The following ALMS1 variants were observed in gnomAD, a reference collection of about 807,000 sequenced individuals.
The protein encoded by ALMS1 is ALMS1 centrosome and basal body associated protein.
A neutral mutation model predicts 352.2 loss-of-function variants in ALMS1; 271 were observed. The observed-to-expected ratio is 0.77, with a 90% CI of 0.70 to 0.85. ALMS1 has a LOEUF of 0.85. Ranked by LOEUF, ALMS1 falls within the 40% of genes least tolerant of loss-of-function variation. ALMS1 has a pLI of 0.00. For missense variants in ALMS1, 5,445 were observed against 4,870.7 expected (o/e 1.12, Z -3.51); for synonymous variants, 1,865 against 1,761.2 (o/e 1.06, Z -1.48).
Position 73,405,673 on chromosome 2 carries a change from A to AT in ALMS1, c.325-2938dup, listed in dbSNP as rs557914333. Among the ~76,000 whole-genome samples, 61 of 147,168 alleles carry AT rather than the reference A, an allele frequency of 4.1e-4. No individual in the cohort carries two copies. The East Asian group carries it at 5.6e-3, about 13-fold the overall frequency. On this transcript the variant is annotated intron_variant, in intron 1 of 22. Transcript: ENST00000613296. ...GTGTAATGTTAGATTATTGACATGA[A>AT]TTTTTTTTTTTAAATATAGGCATTT...
chr2:73,489,503 T>C, intron 9 of ALMS1, 131 bp from the exon 10 acceptor site: 9 of 1,040,978 alleles, frequency 8.6e-6, no homozygotes, highest in African/African-American at 1.6e-5. Flanking sequence ...TGTCCTGTTA[T>C]ATTATAAAAG....
intron 10 of ALMS1, among the ~76,000 whole-genome samples, chr2:73,511,961 C>G (rs1362622321): frequency 2.0e-5 from 3 of 152,136 alleles, no homozygotes; most frequent in Non-Finnish European, 2.9e-5. Context: ...AGGAAACTGC[C>G]AGAGTGTTTT....
chr2:73,427,259 A>C (rs1223580747), intron 6 of ALMS1, among the ~76,000 whole-genome samples: 3 of 152,208 alleles, frequency 2.0e-5, no homozygotes, highest in African/African-American at 7.2e-5. Flanking sequence ...GAAAGACTTG[A>C]CTTCAGAGGT....
intron 13 of ALMS1, among the ~76,000 whole-genome samples, chr2:73,553,989 A>C (rs1386171209): frequency 6.6e-6 from 1 of 152,194 alleles, no homozygotes; most frequent in Non-Finnish European, 1.5e-5. Flanking sequence ...TAAATGGCTA[A>C]AGAAGTTGAA....
At position 73,596,874 on chromosome 2, in the gene ALMS1, T is replaced by C. The variant is rs868749867; in HGVS notation, c.11548-2527T>C. Among the ~76,000 whole-genome samples the C allele has an allele frequency of 1.4e-3, 210 of 149,884 alleles. 2 individuals carry two copies. Among genetic ancestry groups the C allele is most frequent in the African/African-American group, 4.4e-3 (178 of 40,664 alleles). On this transcript the variant is annotated intron_variant, in intron 16 of 22. Coordinates refer to ENST00000613296, the MANE Select transcript of ALMS1 (RefSeq NM_001378454.1). Reference sequence around the variant, plus strand: ...GCCCTCTACCTCTTTTTTTTTTTTTTTTTTCTTTTTTTTTTTTCAGTAACT... The same window carrying C: ...GCCCTCTACCTCTTTTTTTTTTTTTCTTTTCTTTTTTTTTTTTCAGTAACT...
intron 9 of ALMS1, among the ~76,000 whole-genome samples, chr2:73,480,710 T>TC (rs1558662638): frequency 6.6e-6 from 1 of 150,522 alleles, no homozygotes; most frequent in African/African-American, 2.4e-5. Context: ...AAAGTGTTCC[T>TC]ATTTCTCCAC....
chr2:73,550,137 G>A lies in ALMS1; in HGVS notation c.9908-130G>A, dbSNP rs1674398732. On this transcript the variant is annotated intron_variant, in intron 12 of 22. Coordinates refer to ENST00000613296, the MANE Select transcript of ALMS1 (RefSeq NM_001378454.1). ...CACCTTCCAAAGTGCTGGGATTACA[G>A]GCATGAGCCATCGTGCCTGGCCTGT... 1.4e-5 allele frequency: 13 copies of A among 903,208 alleles called. No individual in the cohort carries two copies. The South Asian group carries it at 1.8e-4, about 13-fold the overall frequency. 55.9% of individuals were successfully genotyped at this position (903,208 alleles called of 1,614,324 possible).
chr2:73,528,406 A>T (rs182293403), intron 11 of ALMS1, among the ~76,000 whole-genome samples: 36 of 152,254 alleles, frequency 2.4e-4, no homozygotes, highest in African/African-American at 8.7e-4. Flanking sequence ...TGGGTACTCC[A>T]CCGTTGGGTC....
intron 12 of ALMS1, among the ~76,000 whole-genome samples, chr2:73,537,731 G>T (rs1046451162): frequency 3.3e-5 from 5 of 152,196 alleles, no homozygotes; most frequent in African/African-American, 1.2e-4. Flanking sequence ...TCCAGGCCGG[G>T]TGCGGTGGCT....
intron 22 of ALMS1, 91 bp downstream of exon 22, chr2:73,608,665 C>T: frequency 1.0e-6 from 1 of 977,480 alleles, no homozygotes; most frequent in Non-Finnish European, 1.6e-6. Flanking sequence ...AGTGTGAAGT[C>T]AGAATGAACC....
intron 21 of ALMS1, 33 bp from the exon 22 acceptor site, chr2:73,608,442 G>A (rs781702323): frequency 5.7e-6 from 9 of 1,574,010 alleles, no homozygotes; most frequent in South Asian, 2.2e-5. Context: ...TAACCTCCCC[G>A]ATTTCTGTCC....
rs181193521 is a variant in ALMS1, at chr2:73,549,832, G to T, written c.9908-435G>T. Among the ~76,000 whole-genome samples, 6 of 152,148 alleles carry T rather than the reference G, an allele frequency of 3.9e-5. 1 individual carries two copies. Among genetic ancestry groups the T allele is most frequent in the Admixed American group, 6.5e-5 (1 of 15,274 alleles). On this transcript the variant is annotated intron_variant, in intron 12 of 22. Transcript: ENST00000613296. ...CCTTCTGATTATCCTACCCATTGTAGTGTAGTGTTTTTTTGTTTGTTCGTT... is the reference window on the plus strand; with the variant it reads ...CCTTCTGATTATCCTACCCATTGTATTGTAGTGTTTTTTTGTTTGTTCGTT...
chr2:73,404,075 T>C (rs973573244), intron 1 of ALMS1, among the ~76,000 whole-genome samples: 17 of 152,122 alleles, frequency 1.1e-4, no homozygotes, highest in African/African-American at 4.1e-4. Flanking sequence ...TGTTTACATT[T>C]TTAGCAGAGA....
At chr2:73,487,855 A>G (rs557090800) in intron 9 of ALMS1, among the ~76,000 whole-genome samples, 23 of 152,100 alleles carry the variant, frequency 1.5e-4, no homozygotes, top group South Asian at 4.2e-4. Flanking sequence ...GGTAGCTCCT[A>G]CCTGCATGCA....
intron 9 of ALMS1, among the ~76,000 whole-genome samples, chr2:73,478,625 C>A (rs904041534): frequency 4.6e-5 from 7 of 151,512 alleles, no homozygotes; most frequent in African/African-American, 7.3e-5. Flanking sequence ...CAGCTAATGA[C>A]GAATATTTTT....
At chr2:73,455,518 C>T (rs561058874) in intron 9 of ALMS1, among the ~76,000 whole-genome samples, 7 of 152,304 alleles carry the variant, frequency 4.6e-5, no homozygotes, top group African/African-American at 1.7e-4. Flanking sequence ...ATCCTCCCAC[C>T]TCAGCCTCTC....
chr2:73,455,824 GA>G (rs1672048492), intron 9 of ALMS1, among the ~76,000 whole-genome samples: 1 of 151,870 alleles, frequency 6.6e-6, no homozygotes, highest in Non-Finnish European at 1.5e-5. Flanking sequence ...AATAAGAACT[GA>G]TTTGCTTGTT....
chr2:73,579,146 A>G (rs55997815), intron 16 of ALMS1, among the ~76,000 whole-genome samples: 9 of 138,914 alleles, frequency 6.5e-5, no homozygotes, highest in Admixed American at 1.6e-4. Flanking sequence ...TGCAACCTCC[A>G]CCTCCCGGGT....
At chr2:73,587,271 T>C (rs1232831455) in intron 16 of ALMS1, among the ~76,000 whole-genome samples, 2 of 152,200 alleles carry the variant, frequency 1.3e-5, no homozygotes, top group African/African-American at 4.8e-5. Flanking sequence ...TCTTTATTTT[T>C]TTCTCTTGTC....
Sources: gnomAD v4.1 joint callset for allele counts (sites outside exome capture counted in the v4.1 genomes callset) on GRCh38, gnomAD v4.1.1 for gene constraint, MANE v1.5 for transcripts, NCBI Gene and HGNC (gene_info 2026-07-23, HGNC 2026-07-21) for gene names.